CSMD3: variants seen among roughly 807,000 people sequenced by gnomAD.
CSMD3 encodes the protein CUB and Sushi multiple domains 3, also known as CUB and sushi domain-containing protein 3.
CSMD3 carries 177 observed loss-of-function variants against 435.2 expected under a neutral mutation model. The ratio of observed to expected loss-of-function variants is 0.41; its 90% confidence interval spans 0.36 to 0.46. The LOEUF (loss-of-function observed/expected upper bound fraction) is 0.46, where lower values mean the gene tolerates loss of function less well. CSMD3 is among the 20% of genes least tolerant of loss of function. The probability of loss-of-function intolerance (pLI) is 0.34; values close to 1 mark genes in which losing one functional copy is unlikely to be tolerated. For missense variants in CSMD3, 4,265 were observed against 4,504.6 expected, an observed-to-expected ratio of 0.95 and a Z score of 1.52; for synonymous variants, 1,656 against 1,520.5, an observed-to-expected ratio of 1.09 and a Z score of -2.07.
intron 22 of CSMD3, among the ~76,000 whole-genome samples, chr8:112,610,849 A>G (rs1484651912): frequency 2.0e-5 from 3 of 152,106 alleles, no homozygotes; most frequent in Non-Finnish European, 4.4e-5. Flanking sequence ...TGAGCCTGCA[A>G]TGATGGCCTT....
At chr8:112,947,998 T>C (rs2083675692) in intron 8 of CSMD3, 121 bp from the exon 9 acceptor site, 1 of 586,582 alleles carries the variant, frequency 1.7e-6, no homozygotes, top group Non-Finnish European at 3.0e-6. Flanking sequence ...ATCACTGTCA[T>C]TTAAGCATTT....
At chr8:112,391,627 G>C (rs1207714050) in intron 35 of CSMD3, among the ~76,000 whole-genome samples, 2 of 151,954 alleles carry the variant, frequency 1.3e-5, no homozygotes, top group African/African-American at 4.8e-5. Context: ...AGGAGGCAGA[G>C]GTTGCAATGA....
At chr8:112,661,379 A>G (rs546458475) in intron 17 of CSMD3, among the ~76,000 whole-genome samples, 1 of 152,284 alleles carries the variant, frequency 6.6e-6, no homozygotes, top group East Asian at 1.9e-4. Flanking sequence ...AGAGGCCTAT[A>G]TTGGCCTGTT....
chr8:113,336,989 G>A (rs1275738962), intron 1 of CSMD3, among the ~76,000 whole-genome samples: 2 of 152,062 alleles, frequency 1.3e-5, no homozygotes, highest in East Asian at 3.9e-4. Flanking sequence ...ATATTTTTCT[G>A]TGTTGTTTGG....
At chr8:112,791,041 G>A (rs937532886) in intron 13 of CSMD3, among the ~76,000 whole-genome samples, 26 of 152,082 alleles carry the variant, frequency 1.7e-4, no homozygotes, top group African/African-American at 6.3e-4. Flanking sequence ...TGAACATTAA[G>A]GCCAGGCACG....
chr8:112,960,670 T>C (rs919539727), intron 7 of CSMD3, among the ~76,000 whole-genome samples: 1 of 151,622 alleles, frequency 6.6e-6, no homozygotes, highest in African/African-American at 2.4e-5. Context: ...CAACTAAGTA[T>C]TTTAAAAAGC....
rs372047417 is a variant in CSMD3, at chr8:112,650,287, C to A, written c.3067G>T (p.Gly1023Cys). ...GTAGAGCCAATGGAGAAATCATGAC[C>A]ATAGCGACGGCCATGTACAGGTATG... ...PGIPVHGRRY[G>C]HDFSIGSTVS... Residue 1023 changes from glycine (G) to cysteine (C), a missense_variant, in exon 19 of 71, where the codon GGT becomes TGT. This residue lies in a region of CSMD3 where 3,255 missense variants were observed against 3,380.2 expected (regional missense o/e 0.96). Transcript: ENST00000297405. 3.1e-6 allele frequency: 5 copies of A among 1,613,884 alleles called. No homozygotes were observed. Among genetic ancestry groups the A allele is most frequent in the Non-Finnish European group, 4.2e-6 (5 of 1,179,882 alleles).
chr8:112,694,983 A>C (rs891606133), intron 13 of CSMD3, among the ~76,000 whole-genome samples: 1 of 152,066 alleles, frequency 6.6e-6, no homozygotes, highest in Non-Finnish European at 1.5e-5. Flanking sequence ...TGTGAGCCGA[A>C]GCAGGGGAAG....
chr8:113,376,624 T>A (rs546865070), intron 1 of CSMD3: 2 of 1,194,326 alleles, frequency 1.7e-6, no homozygotes, highest in Admixed American at 1.8e-5. Context: ...AAAAGAAAGT[T>A]TACCACTCTC....
intron 3 of CSMD3, among the ~76,000 whole-genome samples, chr8:113,212,362 A>G (rs2092846833): frequency 6.6e-6 from 1 of 152,154 alleles, no homozygotes; most frequent in Admixed American, 6.5e-5. Flanking sequence ...AAAATATACA[A>G]TAAGTACAAG....
intron 61 of CSMD3, among the ~76,000 whole-genome samples, chr8:112,263,219 A>C (rs1399890052): frequency 6.6e-6 from 1 of 151,968 alleles, no homozygotes; most frequent in Non-Finnish European, 1.5e-5. Flanking sequence ...TAGATGTAAA[A>C]TCCCAATCAT....
intron 45 of CSMD3, among the ~76,000 whole-genome samples, chr8:112,328,114 T>C (rs1299464335): frequency 6.6e-6 from 1 of 152,186 alleles, no homozygotes; most frequent in Non-Finnish European, 1.5e-5. Flanking sequence ...TATTCCCTTA[T>C]AAACTCTAAG....
At chr8:112,654,309 T>C (rs1279468683) in intron 18 of CSMD3, among the ~76,000 whole-genome samples, 2 of 152,188 alleles carry the variant, frequency 1.3e-5, no homozygotes, top group African/African-American at 2.4e-5. Context: ...AAGGCTTTTG[T>C]TGGTTTCTTG....
At chr8:113,035,064 T>C (rs1399476896) in intron 5 of CSMD3, among the ~76,000 whole-genome samples, 1 of 151,816 alleles carries the variant, frequency 6.6e-6, no homozygotes, top group Non-Finnish European at 1.5e-5. Context: ...GCTTCCATTT[T>C]AAGAAGAGAG....
intron 9 of CSMD3, among the ~76,000 whole-genome samples, chr8:112,922,255 G>A (rs1473130908): frequency 1.3e-5 from 2 of 151,908 alleles, no homozygotes; most frequent in Admixed American, 6.6e-5. Flanking sequence ...TATAGTGGGT[G>A]TATATATTTA....
chr8:112,373,966 T>C (rs1265664574), intron 38 of CSMD3, among the ~76,000 whole-genome samples: 1 of 152,200 alleles, frequency 6.6e-6, no homozygotes, highest in African/African-American at 2.4e-5. Context: ...ATTTTAACTG[T>C]TATTCAACCT....
chr8:112,410,716 GTATATA>G (rs1395143897), intron 32 of CSMD3, among the ~76,000 whole-genome samples: 1 of 133,288 alleles, frequency 7.5e-6, no homozygotes, highest in African/African-American at 2.8e-5. Context: ...ATATATATAT[GTATATA>G]TATAGGAAAG....
At chr8:112,714,721 A>G (rs2076685559) in intron 13 of CSMD3, among the ~76,000 whole-genome samples, 1 of 152,164 alleles carries the variant, frequency 6.6e-6, no homozygotes, top group Non-Finnish European at 1.5e-5. Context: ...AATAAAAAAC[A>G]GTCTCTCAGA....
intron 1 of CSMD3, among the ~76,000 whole-genome samples, chr8:113,411,045 G>T (rs1165904593): frequency 6.6e-6 from 1 of 151,372 alleles, no homozygotes; most frequent in Non-Finnish European, 1.5e-5. Context: ...GAAAGAAGAG[G>T]AGAAAGATAG....
Sources: gnomAD v4.1 joint callset for allele counts (sites outside exome capture counted in the v4.1 genomes callset) on GRCh38, gnomAD v4.1.1 for gene constraint, gnomAD v4.1.1 regional missense constraint, MANE v1.5 for transcripts, NCBI Gene and HGNC (gene_info 2026-07-23, HGNC 2026-07-21) for gene names.